NALCN: variants seen among roughly 807,000 people sequenced by gnomAD.
The protein encoded by NALCN is sodium leak channel NALCN.
Under a neutral mutation model 225.3 loss-of-function variants are expected in NALCN, and 111 were observed. The observed-to-expected ratio is 0.49, with a 90% CI of 0.42 to 0.58. NALCN has a LOEUF of 0.58. NALCN is among the 20% of genes least tolerant of loss of function. NALCN has a pLI of 0.00. For synonymous variants in NALCN, 764 were observed against 769.0 expected (o/e 0.99, Z 0.11); for missense variants, 1,378 against 2,202.4 (o/e 0.63, Z 7.49).
intron 15 of NALCN, among the ~76,000 whole-genome samples, chr13:101,157,470 T>G (rs773195376): frequency 2.0e-5 from 3 of 152,112 alleles, no homozygotes; most frequent in Non-Finnish European, 2.9e-5. Flanking sequence ...TCACTGTGCC[T>G]GGGGATGCCC....
intron 3 of NALCN, 118 bp downstream of exon 3, chr13:101,395,065 A>G: frequency 1.0e-6 from 1 of 960,566 alleles, no homozygotes; most frequent in Non-Finnish European, 1.5e-6. Flanking sequence ...AAGGACTTCC[A>G]TATGTATAAG....
At position 101,229,426 on chromosome 13, in the gene NALCN, G is replaced by C. The variant is rs3916906; in HGVS notation, c.1593C>G (p.Val531=). ...SAISLQMFCF[V]EELDRFTTFP... ...ACGTAGTAAATCTGTCCAGTTCTTC[G>C]ACAAAGCAGAACATCTGCAAACTAA... Residue 531 remains valine (V), a synonymous_variant, in exon 13 of 44, where the codon GTC becomes GTG. Transcript: ENST00000251127. 2.0e-5 allele frequency: 32 copies of C among 1,602,666 alleles called. No homozygotes were observed. Among genetic ancestry groups the C allele is most frequent in the African/African-American group, 2.7e-5 (2 of 74,522 alleles).
chr13:101,128,111 G>A (rs1251152668), intron 17 of NALCN, among the ~76,000 whole-genome samples: 5 of 152,104 alleles, frequency 3.3e-5, no homozygotes, highest in Non-Finnish European at 7.4e-5. Context: ...CAGAGATGTG[G>A]GAATAAAAAG....
intron 6 of NALCN, among the ~76,000 whole-genome samples, chr13:101,374,199 A>G (rs1343196695): frequency 1.3e-5 from 2 of 152,026 alleles, no homozygotes; most frequent in Non-Finnish European, 2.9e-5. Context: ...CTTTACTTCA[A>G]CATAATACTA....
At chr13:101,100,741 G>A in intron 27 of NALCN, 43 bp downstream of exon 27, 2 of 1,511,974 alleles carry the variant, frequency 1.3e-6, no homozygotes, top group Non-Finnish European at 1.8e-6. Flanking sequence ...CACCACACTT[G>A]GCCCTTAATT....
rs540654944 is a variant in NALCN, at chr13:101,279,184, T to A, written c.1134+4749A>T. ...CATAAAAGAAAAGTGTAGGATGATA[T>A]GAAAACATGTAACAGAGGTACCTGG... On this transcript the variant is annotated intron_variant, in intron 10 of 43. Coordinates refer to ENST00000251127, the MANE Select transcript of NALCN (RefSeq NM_052867.4). 2.6e-5 allele frequency among the ~76,000 whole-genome samples: 4 copies of A among 152,244 alleles called. No homozygotes were observed. The South Asian group carries it at 8.3e-4, about 31-fold the overall frequency.
chr13:101,080,681 T>G (rs998967551), intron 34 of NALCN, among the ~76,000 whole-genome samples: 2 of 146,796 alleles, frequency 1.4e-5, no homozygotes, highest in Non-Finnish European at 3.0e-5. Context: ...AATAAAAATA[T>G]ATACATACAC....
chr13:101,130,569 T>C (rs1309838560), intron 17 of NALCN, among the ~76,000 whole-genome samples: 3 of 152,184 alleles, frequency 2.0e-5, no homozygotes, highest in Non-Finnish European at 4.4e-5. Context: ...TTCTTAGATC[T>C]TGAAAGCAGT....
At chr13:101,196,891 C>T (rs1293242774) in intron 13 of NALCN, among the ~76,000 whole-genome samples, 1 of 152,138 alleles carries the variant, frequency 6.6e-6, no homozygotes, top group African/African-American at 2.4e-5. Context: ...ACTCCTGGGG[C>T]TTTCGACACC....
At chr13:101,194,245 G>A (rs571010027) in intron 13 of NALCN, among the ~76,000 whole-genome samples, 4 of 151,960 alleles carry the variant, frequency 2.6e-5, no homozygotes, top group East Asian at 1.9e-4. Flanking sequence ...TCAGAGTCTC[G>A]GGAGAAAAAA....
intron 12 of NALCN, among the ~76,000 whole-genome samples, chr13:101,231,499 C>A (rs376035984): frequency 6.6e-5 from 10 of 152,182 alleles, no homozygotes; most frequent in African/African-American, 2.4e-4. Context: ...TTCATTAAGT[C>A]TAAGATGTCA....
Position 101,338,590 on chromosome 13 carries a change from T to A in NALCN, c.799+6676A>T, listed in dbSNP as rs76836849. Among the ~76,000 whole-genome samples, 27 of 152,238 alleles carry A rather than the reference T, an allele frequency of 1.8e-4. 1 individual carries two copies. Among genetic ancestry groups the A allele is most frequent in the African/African-American group, 5.8e-4 (24 of 41,498 alleles). ...AAATGTTTTACTTTCTTTTAAAAGG[T>A]CATGACAAGGAATCACCAGTTCGAT... On this transcript the variant is annotated intron_variant, in intron 7 of 43. Transcript: ENST00000251127.
At position 101,104,977 on chromosome 13, in the gene NALCN, C is replaced by G; in HGVS notation, c.2580-27G>C. On this transcript the variant is annotated intron_variant, in intron 22 of 43. Transcript: ENST00000251127. The surrounding 1 kb of genome is among the most constrained non-coding windows in gnomAD (Gnocchi z 4.2). ...TGTAAGAGAACACATATATAAAATT[C>G]TGCAACAAAGCAAGCATGTTTTAAC... 1 of 1,602,680 alleles carries G rather than the reference C, an allele frequency of 6.2e-7. No homozygotes were observed.
intron 10 of NALCN, among the ~76,000 whole-genome samples, chr13:101,264,271 A>G (rs1267330951): frequency 6.6e-6 from 1 of 152,126 alleles, no homozygotes; most frequent in Admixed American, 6.6e-5. Flanking sequence ...CAGACTCCAC[A>G]TACACATTTG....
intron 27 of NALCN, among the ~76,000 whole-genome samples, chr13:101,096,198 G>A (rs750354685): frequency 3.9e-5 from 6 of 152,102 alleles, no homozygotes; most frequent in Admixed American, 6.6e-5. Context: ...GTTACCATAT[G>A]AGCCAGCAAC....
chr13:101,201,427 T>C (rs557923868), intron 13 of NALCN, among the ~76,000 whole-genome samples: 5 of 152,294 alleles, frequency 3.3e-5, no homozygotes, highest in Non-Finnish European at 7.4e-5. Flanking sequence ...TTTCTATAAA[T>C]GGAATCACCC....
At chr13:101,203,877 A>G (rs1459905099) in intron 13 of NALCN, among the ~76,000 whole-genome samples, 1 of 152,218 alleles carries the variant, frequency 6.6e-6, no homozygotes, top group African/African-American at 2.4e-5. Flanking sequence ...AATAGATGCT[A>G]TGAATTGCCT....
chr13:101,236,356 G>T (rs887229499), intron 12 of NALCN, among the ~76,000 whole-genome samples: 1 of 152,152 alleles, frequency 6.6e-6, no homozygotes, highest in African/African-American at 2.4e-5. Context: ...TCAGTGTGGC[G>T]ATTCCTCAGG....
chr13:101,225,940 C>T (rs988616373), intron 13 of NALCN, among the ~76,000 whole-genome samples: 4 of 152,080 alleles, frequency 2.6e-5, no homozygotes, highest in Non-Finnish European at 4.4e-5. Context: ...TACCTAAAAA[C>T]ATCTACAGAT....
Sources: gnomAD v4.1 joint callset for allele counts (sites outside exome capture counted in the v4.1 genomes callset) on GRCh38, gnomAD v4.1.1 for gene constraint, Gnocchi (gnomAD v3.1) non-coding constraint, MANE v1.5 for transcripts, NCBI Gene and HGNC (gene_info 2026-07-23, HGNC 2026-07-21) for gene names.